The following SMIM41 variants were observed in gnomAD, a reference collection of about 807,000 sequenced individuals.
SMIM41 encodes small integral membrane protein 41.
At chr12:52,090,820 A>C (rs1939988109) in intron 2 of SMIM41, among the ~76,000 whole-genome samples, 1 of 152,200 alleles carries the variant, frequency 6.6e-6, no homozygotes, top group Non-Finnish European at 1.5e-5. Context: ...GGAAATCCAT[A>C]GATGGCCAGC....
chr12:52,092,051 C>T (rs1055581203), intron 2 of SMIM41: 3 of 152,290 alleles, frequency 2.0e-5, no homozygotes, highest in East Asian at 1.9e-4. Flanking sequence ...GACACGGCCA[C>T]GTAATTGGTT....
chr12:52,080,251 G>A (rs906051020), intron 1 of SMIM41, 70 bp downstream of exon 1: 4 of 219,020 alleles, frequency 1.8e-5, no homozygotes, highest in Non-Finnish European at 3.6e-5. Context: ...TTACTGAGGA[G>A]GCTTCTTGGG....
intron 1 of SMIM41, among the ~76,000 whole-genome samples, chr12:52,082,244 T>G (rs1939829443): frequency 6.6e-6 from 1 of 152,218 alleles, no homozygotes; most frequent in Admixed American, 6.5e-5. Context: ...GTTTGGCCTT[T>G]GGGCTCAAGT....
chr12:52,088,892 C>T (rs1939937032), intron 2 of SMIM41, among the ~76,000 whole-genome samples: 1 of 152,068 alleles, frequency 6.6e-6, no homozygotes, highest in Non-Finnish European at 1.5e-5. Context: ...TCACGTGCTC[C>T]ACCATCTCCA....
Position 52,107,394 on chromosome 12 carries a change from A to G in SMIM41, c.*211A>G. ...CTCCTCCTAGAACCTCAGAGGATCCAGAACGGCAGCTGGTCCTTGCTGGAC... is the reference window on the plus strand; with the variant it reads ...CTCCTCCTAGAACCTCAGAGGATCCGGAACGGCAGCTGGTCCTTGCTGGAC... On this transcript the variant is annotated 3_prime_UTR_variant, in exon 3 of 3. Transcript: ENST00000546390. 1 of 557,318 alleles carries G rather than the reference A, an allele frequency of 1.8e-6. No homozygotes were observed. The highest frequency in any genetic ancestry group is 1.9e-5 in the Admixed American group (1 of 51,628). 34.5% of individuals were successfully genotyped at this position (557,318 alleles called of 1,614,324 possible).
intron 2 of SMIM41, among the ~76,000 whole-genome samples, chr12:52,101,190 A>G (rs1359970603): frequency 6.6e-6 from 1 of 152,174 alleles, no homozygotes; most frequent in Non-Finnish European, 1.5e-5. Context: ...TGGGAGGCCG[A>G]GTCACACGGA....
intron 2 of SMIM41, among the ~76,000 whole-genome samples, chr12:52,098,693 A>G (rs930114550): frequency 4.0e-5 from 6 of 150,582 alleles, no homozygotes; most frequent in African/African-American, 9.8e-5. Context: ...TATTGGGAGA[A>G]GTATCATCCT....
At chr12:52,099,486 C>G (rs1367219681) in intron 2 of SMIM41, among the ~76,000 whole-genome samples, 1 of 151,926 alleles carries the variant, frequency 6.6e-6, no homozygotes, top group Non-Finnish European at 1.5e-5. Context: ...CTCTCGCCCT[C>G]TGGATATTAG....
chr12:52,087,053 C>T (rs1019582833), intron 2 of SMIM41, among the ~76,000 whole-genome samples: 1 of 152,228 alleles, frequency 6.6e-6, no homozygotes, highest in Non-Finnish European at 1.5e-5. Flanking sequence ...AGCCAGCTCT[C>T]TCTCCTGCTG....
chr12:52,099,670 T>C (rs1389086687), intron 2 of SMIM41, among the ~76,000 whole-genome samples: 1 of 152,044 alleles, frequency 6.6e-6, no homozygotes, highest in East Asian at 1.9e-4. Flanking sequence ...GGGGGTTGTA[T>C]ACTACCTGCG....
At chr12:52,084,550 G>T (rs531765084) in intron 2 of SMIM41, among the ~76,000 whole-genome samples, 2 of 152,292 alleles carry the variant, frequency 1.3e-5, no homozygotes, top group Non-Finnish European at 1.5e-5. Flanking sequence ...GAGCTCTGCT[G>T]GGATTAGCAA....
rs538911002 is a variant in SMIM41, at chr12:52,095,924, G to C, written c.*196-11455G>C. ...TATCACACGGGTTTGTACACTTTCT[G>C]TGATATTGGGAGTAATATCAACCTC... On this transcript the variant is annotated intron_variant, in intron 2 of 2. Transcript: ENST00000546390. 6.6e-5 allele frequency among the ~76,000 whole-genome samples: 10 copies of C among 151,968 alleles called. No individual in the cohort carries two copies. In the South Asian group the frequency reaches 2.1e-3, roughly 31 times the overall value.
chr12:52,097,848 A>G (rs1480856071), intron 2 of SMIM41, among the ~76,000 whole-genome samples: 1 of 151,880 alleles, frequency 6.6e-6, no homozygotes, highest in Non-Finnish European at 1.5e-5. Flanking sequence ...TTCTTGTGAT[A>G]TAGAGAGTAG....
intron 2 of SMIM41, among the ~76,000 whole-genome samples, chr12:52,085,383 T>C (rs1277163122): frequency 6.6e-6 from 1 of 152,222 alleles, no homozygotes; most frequent in Non-Finnish European, 1.5e-5. Flanking sequence ...TGAACCTCTC[T>C]GTGGCTCAAT....
At position 52,107,571 on chromosome 12, in the gene SMIM41, A is replaced by T; in HGVS notation, c.*388A>T. 1.3e-6 allele frequency: 1 copy of T among 761,228 alleles called. No individual in the cohort carries two copies. The highest frequency in any genetic ancestry group is 2.3e-6 in the Non-Finnish European group (1 of 440,812). 47.2% of individuals were successfully genotyped at this position (761,228 alleles called of 1,614,324 possible). ...TTTCACCTCCACCACGGTCCCCCAGATGACTGTGGACATCCAGTCTCGCAG... is the reference window on the plus strand; with the variant it reads ...TTTCACCTCCACCACGGTCCCCCAGTTGACTGTGGACATCCAGTCTCGCAG... On this transcript the variant is annotated 3_prime_UTR_variant, in exon 3 of 3. Coordinates refer to ENST00000546390, the MANE Select transcript of SMIM41 (RefSeq NM_001369216.1).
Position 52,108,171 on chromosome 12 carries a change from A to T in SMIM41, c.*988A>T. On this transcript the variant is annotated 3_prime_UTR_variant, in exon 3 of 3. Coordinates refer to ENST00000546390, the MANE Select transcript of SMIM41 (RefSeq NM_001369216.1). Reference sequence around the variant, plus strand: ...GGGTGCAGTGGCTGCAGTGATGTACACGGTGGTCACCTCCATGCTCAACCC... The same window carrying T: ...GGGTGCAGTGGCTGCAGTGATGTACTCGGTGGTCACCTCCATGCTCAACCC... The T allele has an allele frequency of 4.6e-6, 1 of 218,992 alleles. No individual in the cohort carries two copies. The highest frequency in any genetic ancestry group is 8.1e-5 in the South Asian group (1 of 12,286). 13.6% of individuals were successfully genotyped at this position (218,992 alleles called of 1,614,324 possible).
chr12:52,083,780 A>G (rs1024180429), intron 1 of SMIM41, 114 bp from the exon 2 acceptor site: 1 of 152,242 alleles, frequency 6.6e-6, no homozygotes, highest in Non-Finnish European at 1.5e-5. Context: ...AGGTGACAAT[A>G]TCATAGGTTT....
In SMIM41 at chr12:52,107,888, T is replaced by C; in HGVS notation, c.*705T>C. 3.4e-6 allele frequency: 1 copy of C among 296,326 alleles called. No homozygotes were observed. Among genetic ancestry groups the C allele is most frequent in the South Asian group, 3.2e-5 (1 of 30,928 alleles). 18.4% of individuals were successfully genotyped at this position (296,326 alleles called of 1,614,324 possible). ...AATTTCTTCTGTGACCTTTCTCAAC[T>C]CCCCCATCTTGCCGTTGTGACACCT... On this transcript the variant is annotated 3_prime_UTR_variant, in exon 3 of 3. Coordinates refer to ENST00000546390, the MANE Select transcript of SMIM41 (RefSeq NM_001369216.1).
chr12:52,097,982 C>T (rs182308706), intron 2 of SMIM41, among the ~76,000 whole-genome samples: 38 of 130,384 alleles, frequency 2.9e-4, no homozygotes, highest in African/African-American at 4.9e-4. Context: ...GACAATAACA[C>T]AGGGGTAACG....
Sources: gnomAD v4.1 joint callset for allele counts (sites outside exome capture counted in the v4.1 genomes callset) on GRCh38, gnomAD v4.1.1 for gene constraint, MANE v1.5 for transcripts, NCBI Gene and HGNC (gene_info 2026-07-23, HGNC 2026-07-21) for gene names.